The following ARHGEF2 variants were observed in gnomAD, a reference collection of about 807,000 sequenced individuals.
ARHGEF2 encodes the protein rho guanine nucleotide exchange factor 2.
Under a neutral mutation model 121.0 loss-of-function variants are expected in ARHGEF2, and 22 were observed. The observed-to-expected ratio is 0.18, with a 90% CI of 0.13 to 0.26. The LOEUF is 0.26. Among genes scored for constraint, ARHGEF2 ranks in the 10% least tolerant of loss-of-function variants. The probability of loss-of-function intolerance (pLI) is 1.00; values close to 1 mark genes in which losing one functional copy is unlikely to be tolerated. For missense variants in ARHGEF2, 907 were observed against 1,336.0 expected (o/e 0.68, Z 5.01); for synonymous variants, 487 against 530.0 (o/e 0.92, Z 1.11).
chr1:155,977,884 C>G lies in ARHGEF2; in HGVS notation c.63+481G>C, dbSNP rs187645084. On this transcript the variant is annotated intron_variant, in intron 1 of 21. Transcript: ENST00000361247. ...TGGGAGGAAGCCGGGAAACCACCCC[C>G]TCCCGTCCCCTCCGCCGGATGGCGG... is the stretch of plus-strand genomic sequence containing the variant. Among the ~76,000 whole-genome samples, 1,479 of 152,324 alleles carry G rather than the reference C, an allele frequency of 9.7e-3. 97 individuals carry two copies. Among genetic ancestry groups the G allele is most frequent in the Admixed American group, 0.085 (1,307 of 15,298 alleles).
intron 2 of ARHGEF2, chr1:155,968,122 T>C (rs1029176825): frequency 2.6e-5 from 4 of 152,052 alleles, no homozygotes; most frequent in African/African-American, 9.7e-5. Context: ...GGGATCTAGA[T>C]TGGGGTTCCC....
In ARHGEF2 at chr1:155,952,419, C is replaced by T. The variant is rs1478033885; in HGVS notation, c.1985-184G>A. On this transcript the variant is annotated intron_variant, in intron 15 of 21. Transcript: ENST00000361247. Reference sequence around the variant, plus strand: ...TAAATGCCTACGAGGCAGCAGAGTCCATGCAGCATGGACGATATGGAGCAG... The same window carrying T: ...TAAATGCCTACGAGGCAGCAGAGTCTATGCAGCATGGACGATATGGAGCAG... 2.0e-5 allele frequency among the ~76,000 whole-genome samples: 3 copies of T among 152,348 alleles called. No individual in the cohort carries two copies. The East Asian group carries it at 5.8e-4, about 29-fold the overall frequency.
chr1:155,952,915 G>T, intron 14 of ARHGEF2, 87 bp from the exon 15 acceptor site: 1 of 1,257,252 alleles, frequency 8.0e-7, no homozygotes, highest in Non-Finnish European at 1.1e-6. Context: ...GAGAGGGGTA[G>T]GGTGGGGCAG....
At position 155,950,125 on chromosome 1, in the gene ARHGEF2, C is replaced by T; in HGVS notation, c.2887+174G>A. ...ACCAACCAGTTGGAGGAGAGAGGCC[C>T]CTCCTGCTTCCTAGACTTCCACCAC... On this transcript the variant is annotated intron_variant, in intron 21 of 21. Transcript: ENST00000361247. The surrounding 1 kb of genome is among the most constrained non-coding windows in gnomAD (Gnocchi z 5.2). 1.3e-6 allele frequency: 1 copy of T among 741,372 alleles called. No individual in the cohort carries two copies. The allele number at this position is 741,372 out of a possible 1,614,324, so 45.9% of individuals were successfully genotyped here.
At chr1:155,958,542 C>G (rs1260062005) in intron 11 of ARHGEF2, 146 bp from the exon 12 acceptor site, 32 of 552,530 alleles carry the variant, frequency 5.8e-5, no homozygotes, top group Non-Finnish European at 8.4e-5. Context: ...GCTGCTTGCA[C>G]TTTTTCAGAC....
intron 7 of ARHGEF2, among the ~76,000 whole-genome samples, chr1:155,964,159 AAAAAAAAAATATATAT>A (rs1165686180): frequency 1.3e-4 from 8 of 59,274 alleles, no homozygotes; most frequent in African/African-American, 5.8e-4. Context: ...AAAAAAAAAA[AAAAAAAAAATATATAT>A]ATATATATAT....
At chr1:155,967,262 G>A (rs1679598872) in intron 2 of ARHGEF2, among the ~76,000 whole-genome samples, 1 of 152,172 alleles carries the variant, frequency 6.6e-6, no homozygotes, top group Non-Finnish European at 1.5e-5. Flanking sequence ...CAGAACAGAA[G>A]ATGGCACAGA....
Position 155,951,678 on chromosome 1 carries a change from T to C in ARHGEF2, c.2208+63A>G. The C allele has an allele frequency of 6.2e-7, 1 of 1,612,594 alleles. No homozygotes were observed. The highest frequency in any genetic ancestry group is 8.5e-7 in the Non-Finnish European group (1 of 1,178,668). On this transcript the variant is annotated intron_variant, in intron 18 of 21. Transcript: ENST00000361247. This position sits in a 1 kb window ranked among gnomAD's most constrained non-coding sequence, Gnocchi z 5.1. ...TTCCCCACCCCACTCCAAACTGGGC[T>C]CTAACTACTCAGACTAAGAACATCC...
chr1:155,977,060 G>C (rs1474091127), intron 1 of ARHGEF2, among the ~76,000 whole-genome samples: 4 of 152,114 alleles, frequency 2.6e-5, no homozygotes, highest in Non-Finnish European at 5.9e-5. Flanking sequence ...GAGGTGGAGG[G>C]GAGGGCTTTC....
intron 2 of ARHGEF2, among the ~76,000 whole-genome samples, chr1:155,967,380 T>C (rs1216591495): frequency 7.2e-5 from 11 of 152,084 alleles, no homozygotes; most frequent in Non-Finnish European, 7.4e-5. Context: ...TAGAGGGAGG[T>C]TCAGTTATCC....
Position 155,969,314 on chromosome 1 carries a change from G to A in ARHGEF2, c.64-14C>T, listed in dbSNP as rs755050460. On this transcript the variant is annotated splice_polypyrimidine_tract_variant and intron_variant, in intron 1 of 21. Transcript: ENST00000361247. ...CTTTTCCCGGGTCTGTGGAAGGGAT[G>A]AGAGGGAGAGGAAGTGAGGCTGGAA... The A allele has an allele frequency of 6.2e-7, 1 of 1,613,532 alleles. No homozygotes were observed. The highest frequency in any genetic ancestry group is 1.7e-5 in the Admixed American group (1 of 60,018).
chr1:155,962,037 C>T lies in ARHGEF2; in HGVS notation c.1219+68G>A. On this transcript the variant is annotated intron_variant, in intron 10 of 21. Transcript: ENST00000361247. This position sits in a 1 kb window ranked among gnomAD's most constrained non-coding sequence, Gnocchi z 5.8. ...CACCCGACCCCACCCTTCCTGTGGT[C>T]ATACCGAGCCTTTCCTCACCCCAGG... The T allele has an allele frequency of 6.2e-7, 1 of 1,606,580 alleles. No individual in the cohort carries two copies. Among genetic ancestry groups the T allele is most frequent in the Admixed American group, 1.7e-5 (1 of 59,982 alleles).
At chr1:155,960,568 G>C (rs1306101016) in intron 11 of ARHGEF2, among the ~76,000 whole-genome samples, 1 of 152,008 alleles carries the variant, frequency 6.6e-6, no homozygotes. Context: ...TTTGCTAAAT[G>C]CTTCAGAAAT....
chr1:155,971,351 G>A (rs1436525550), intron 1 of ARHGEF2, among the ~76,000 whole-genome samples: 2 of 152,000 alleles, frequency 1.3e-5, no homozygotes, highest in East Asian at 3.9e-4. Flanking sequence ...GTCGAGGCGG[G>A]TGGATTACCT....
At chr1:155,970,077 T>C (rs1680173309) in intron 1 of ARHGEF2, 1 of 985,466 alleles carries the variant, frequency 1.0e-6, no homozygotes, top group Non-Finnish European at 1.2e-6. Flanking sequence ...AAATCTCTCC[T>C]GCAGTCTAAC....
At chr1:155,973,320 C>A (rs1680788204) in intron 1 of ARHGEF2, among the ~76,000 whole-genome samples, 1 of 152,176 alleles carries the variant, frequency 6.6e-6, no homozygotes, top group Non-Finnish European at 1.5e-5. Flanking sequence ...TCTCCCTCCT[C>A]CTGAAGGGCT....
chr1:155,965,425 G>T lies in ARHGEF2; in HGVS notation c.471-13C>A. 1 of 1,612,610 alleles carries T rather than the reference G, an allele frequency of 6.2e-7. No individual in the cohort carries two copies. Among genetic ancestry groups the T allele is most frequent in the Non-Finnish European group, 8.5e-7 (1 of 1,178,602 alleles). On this transcript the variant is annotated splice_polypyrimidine_tract_variant and intron_variant, in intron 5 of 21. Transcript: ENST00000361247. This position sits in a 1 kb window ranked among gnomAD's most constrained non-coding sequence, Gnocchi z 6.0. ...ATCATTGAAATGTCTGAAGAAAGTG[G>T]AGGCTGTCTGCATCACCCCCAGTCG...
rs1409276852 is a variant in ARHGEF2 at position 155,978,403 on chromosome 1, G to T, written c.25C>A (p.Arg9=). 6.6e-7 allele frequency: 1 copy of T among 1,517,394 alleles called. No individual in the cohort carries two copies. The highest frequency in any genetic ancestry group is 8.9e-7 in the Non-Finnish European group (1 of 1,123,556). The allele number at this position is 1,517,394 out of a possible 1,614,324, so 94.0% of individuals were successfully genotyped here. ...TCTCTGCTCCGGTCGATCCGCGCCCGCGTGAGGGATTCGATCCGAGACATA... is the reference window on the plus strand; with the variant it reads ...TCTCTGCTCCGGTCGATCCGCGCCCTCGTGAGGGATTCGATCCGAGACATA... MSRIESLT[R]ARIDRSRELA... Residue 9 remains arginine, a synonymous_variant, in exon 1 of 22, where the codon CGG becomes AGG. Coordinates refer to ENST00000361247, the MANE Select transcript of ARHGEF2 (RefSeq NM_001162383.2). This position sits in a 1 kb window ranked among gnomAD's most constrained non-coding sequence, Gnocchi z 4.1.
At chr1:155,959,531 A>T (rs1338817984) in intron 11 of ARHGEF2, among the ~76,000 whole-genome samples, 4 of 151,246 alleles carry the variant, frequency 2.6e-5, no homozygotes, top group African/African-American at 9.7e-5. Context: ...TACAGGCATC[A>T]GCCACTGCGC....
Sources: allele counts gnomAD v4.1 joint callset (sites outside exome capture counted in the v4.1 genomes callset), GRCh38; gene constraint gnomAD v4.1.1; non-coding constraint Gnocchi (gnomAD v3.1); transcripts MANE v1.5; gene names NCBI Gene and HGNC (gene_info 2026-07-23, HGNC 2026-07-21).